PDGFD: variants seen among roughly 807,000 people sequenced by gnomAD.
The protein encoded by PDGFD is platelet derived growth factor D, also known as platelet-derived growth factor D.
A neutral mutation model predicts 44.7 loss-of-function variants in PDGFD; 30 were observed. The ratio of observed to expected loss-of-function variants is 0.67; its 90% CI spans 0.50 to 0.91. The LOEUF (loss-of-function observed/expected upper bound fraction) is 0.91, where lower values mean the gene tolerates loss of function less well. Ranked by LOEUF, PDGFD falls within the 40% of genes least tolerant of loss-of-function variation. The pLI, the probability that PDGFD is intolerant of heterozygous loss-of-function variation, is 0.00. For missense variants in PDGFD, 445 were observed against 457.8 expected (o/e 0.97, Z 0.25); for synonymous variants, 173 against 168.4 (o/e 1.03, Z -0.21).
At chr11:103,990,111 T>C (rs10895556) in intron 3 of PDGFD, among the ~76,000 whole-genome samples, 18,591 of 152,162 alleles carry the variant, frequency 0.12, 1,381 homozygotes, top group Middle Eastern at 0.18. Context: ...TAGGATGGTC[T>C]GAGATAAAGA....
chr11:104,058,696 T>A (rs950372802), intron 1 of PDGFD, among the ~76,000 whole-genome samples: 1 of 152,238 alleles, frequency 6.6e-6, no homozygotes, highest in Non-Finnish European at 1.5e-5. Flanking sequence ...TCATGGTAGC[T>A]TTATCCGTAA....
chr11:104,033,731 A>G (rs1860167818), intron 1 of PDGFD, among the ~76,000 whole-genome samples: 1 of 152,182 alleles, frequency 6.6e-6, no homozygotes, highest in Non-Finnish European at 1.5e-5. Flanking sequence ...TTGGGGAAAA[A>G]AGATAAAGGA....
intron 1 of PDGFD, among the ~76,000 whole-genome samples, chr11:104,043,823 C>T (rs925407916): frequency 6.6e-5 from 10 of 152,104 alleles, no homozygotes; most frequent in East Asian, 3.9e-4. Context: ...CTCAGTACTG[C>T]GGGGAGCACA....
rs111255859 is a variant in PDGFD, at chr11:104,097,076, G to A, written c.124+66728C>T. On this transcript the variant is annotated intron_variant, in intron 1 of 6. Coordinates refer to ENST00000393158, the MANE Select transcript of PDGFD (RefSeq NM_025208.5). Reference sequence around the variant, plus strand: ...ACGACTGTTGAAAGAGAGAGTAAACGAGGTCAAGAGGTTTGCCCCAGACCT... The same window carrying A: ...ACGACTGTTGAAAGAGAGAGTAAACAAGGTCAAGAGGTTTGCCCCAGACCT... Among the ~76,000 whole-genome samples the A allele has an allele frequency of 8.5e-4, 129 of 152,254 alleles. 1 individual carries two copies. Among genetic ancestry groups the A allele is most frequent in the Admixed American group, 3.4e-3 (52 of 15,284 alleles).
In PDGFD at chr11:104,037,015, G is replaced by A. The variant is rs1409890817; in HGVS notation, c.125-36760C>T. On this transcript the variant is annotated intron_variant, in intron 1 of 6. Coordinates refer to ENST00000393158, the MANE Select transcript of PDGFD (RefSeq NM_025208.5). ...GGACCACTGTTCCCTGGGCTCCTAC[G>A]GCCTCAAAGATGGCGATATCGTGGT... 3.1e-6 allele frequency: 5 copies of A among 1,614,236 alleles called. 1 individual carries two copies. The highest frequency in any genetic ancestry group is 4.5e-5 in the East Asian group (2 of 44,888).
At position 103,909,835 on chromosome 11, in the gene PDGFD, C is replaced by T; in HGVS notation, c.988-16G>A. On this transcript the variant is annotated splice_polypyrimidine_tract_variant and intron_variant, in intron 6 of 6. Transcript: ENST00000393158. The stretch of plus-strand genomic sequence containing the variant: ...ACTGTAATACCTAGGACAAGAAGCA[C>T]ATCTCCTGTTAGAAAGCCTTTGGAG... 6.2e-7 allele frequency: 1 copy of T among 1,614,030 alleles called. No homozygotes were observed. The highest frequency in any genetic ancestry group is 1.3e-5 in the African/African-American group (1 of 75,036).
At chr11:104,118,814 ATTATATATTATAAATAT>A (rs1861684545) in intron 1 of PDGFD, among the ~76,000 whole-genome samples, 1 of 50,646 alleles carries the variant, frequency 2.0e-5, no homozygotes, top group Non-Finnish European at 4.2e-5. Flanking sequence ...TATATAATAT[ATTATATATTATAAATAT>A]TAATATATAA....
intron 3 of PDGFD, among the ~76,000 whole-genome samples, chr11:103,950,984 C>G (rs1858747845): frequency 6.6e-6 from 1 of 152,060 alleles, no homozygotes; most frequent in Non-Finnish European, 1.5e-5. Flanking sequence ...GACTTTGGTG[C>G]ACAAGCCCCT....
intron 1 of PDGFD, among the ~76,000 whole-genome samples, chr11:104,012,187 G>C (rs978904528): frequency 6.6e-6 from 1 of 152,086 alleles, no homozygotes; most frequent in Non-Finnish European, 1.5e-5. Flanking sequence ...AAATTCAGAT[G>C]AATTCCTAGC....
In PDGFD at chr11:103,948,995, CTTTTTTTTTTTTTT is replaced by C. The variant is rs10606695; in HGVS notation, c.511-1285_511-1272del. Among the ~76,000 whole-genome samples, 177 of 77,062 alleles carry C rather than the reference CTTTTTTTTTTTTTT, an allele frequency of 2.3e-3. 1 individual carries two copies. Among genetic ancestry groups the C allele is most frequent in the Non-Finnish European group, 3.4e-3 (148 of 43,644 alleles). 50.6% of individuals were successfully genotyped at this position (77,062 alleles called of 152,430 possible). ...CGACTAGACATCATTATTTTAGTCA[CTTTTTTTTTTTTTT>C]TTTTTTTTTTTGAGACCGAGTCTCA... is the stretch of plus-strand genomic sequence containing the variant. On this transcript the variant is annotated intron_variant, in intron 3 of 6. Transcript: ENST00000393158.
chr11:104,034,231 A>T (rs1271635151), intron 1 of PDGFD, among the ~76,000 whole-genome samples: 1 of 151,868 alleles, frequency 6.6e-6, no homozygotes, highest in Admixed American at 6.6e-5. Context: ...GTGTGTGTGC[A>T]TGTGCTCTAA....
At chr11:104,020,043 A>C (rs1859926160) in intron 1 of PDGFD, among the ~76,000 whole-genome samples, 2 of 152,202 alleles carry the variant, frequency 1.3e-5, no homozygotes, top group African/African-American at 4.8e-5. Flanking sequence ...ATGCACAGAA[A>C]AAATAACACC....
chr11:104,038,658 A>C (rs1387468811), intron 1 of PDGFD: 5 of 167,052 alleles, frequency 3.0e-5, no homozygotes, highest in African/African-American at 1.2e-4. Context: ...ATATTTGAGA[A>C]AGTGGATTTA....
In PDGFD at chr11:103,969,470, C is replaced by T. The variant is rs187091875; in HGVS notation, c.511-21746G>A. 3.8e-3 allele frequency among the ~76,000 whole-genome samples: 471 copies of T among 123,340 alleles called. 1 individual carries two copies. The highest frequency in any genetic ancestry group is 0.013 in the African/African-American group (432 of 33,270). 80.9% of individuals were successfully genotyped at this position (123,340 alleles called of 152,430 possible). A position where few individuals can be genotyped will look rare whatever the true frequency, so the allele number is the denominator to read the frequency against. On this transcript the variant is annotated intron_variant, in intron 3 of 6. Transcript: ENST00000393158. ...AGTTACTATTTAGTTTTACACCAAG[C>T]CTGGTTTTTTTTTTTTTTTTTTTTT... is the stretch of plus-strand genomic sequence containing the variant.
intron 1 of PDGFD, among the ~76,000 whole-genome samples, chr11:104,117,797 G>A (rs934316891): frequency 2.0e-5 from 3 of 151,870 alleles, no homozygotes; most frequent in African/African-American, 4.8e-5. Flanking sequence ...CTGTGAAAAT[G>A]GCCATATTGC....
intron 1 of PDGFD, among the ~76,000 whole-genome samples, chr11:104,144,319 C>T (rs994104175): frequency 6.6e-6 from 1 of 151,800 alleles, no homozygotes; most frequent in Non-Finnish European, 1.5e-5. Flanking sequence ...CTAGCTTGGT[C>T]AACATGGTGA....
intron 1 of PDGFD, among the ~76,000 whole-genome samples, chr11:104,155,664 A>G (rs1207548686): frequency 1.3e-5 from 2 of 152,236 alleles, no homozygotes; most frequent in African/African-American, 4.8e-5. Flanking sequence ...TCATTTACAC[A>G]TTCTGTGACA....
intron 1 of PDGFD, among the ~76,000 whole-genome samples, chr11:104,033,968 T>C (rs1860172831): frequency 6.6e-6 from 1 of 152,166 alleles, no homozygotes; most frequent in African/African-American, 2.4e-5. Flanking sequence ...TTTCTTAAAA[T>C]TAAAAAATAA....
intron 1 of PDGFD, among the ~76,000 whole-genome samples, chr11:104,009,286 T>C (rs953727619): frequency 4.6e-5 from 7 of 152,066 alleles, no homozygotes; most frequent in African/African-American, 7.2e-5. Context: ...CTGTTATATA[T>C]GGGGGCTGCT....
Sources: gnomAD v4.1 joint callset for allele counts (sites outside exome capture counted in the v4.1 genomes callset) on GRCh38, gnomAD v4.1.1 for gene constraint, MANE v1.5 for transcripts, NCBI Gene and HGNC (gene_info 2026-07-23, HGNC 2026-07-21) for gene names.